The following UNC80 variants were observed in gnomAD, a reference collection of about 807,000 sequenced individuals.
UNC80 encodes the protein protein unc-80 homolog.
A neutral mutation model predicts 384.6 loss-of-function variants in UNC80; 164 were observed. That is an observed-to-expected ratio of 0.43 (90% confidence interval 0.38 to 0.49). The LOEUF (loss-of-function observed/expected upper bound fraction) is 0.49. Among genes scored for constraint, UNC80 ranks in the 20% least tolerant of loss-of-function variants. The pLI is 0.00. For synonymous variants in UNC80, 1,486 were observed against 1,527.8 expected (o/e 0.97, Z 0.64); for missense variants, 3,330 against 4,143.0 (o/e 0.80, Z 5.39).
At chr2:209,956,940 G>A (rs563554360) in intron 48 of UNC80, among the ~76,000 whole-genome samples, 2 of 152,280 alleles carry the variant, frequency 1.3e-5, no homozygotes, top group African/African-American at 4.8e-5. Flanking sequence ...CAGAAAGTGA[G>A]CAACAAAGAA....
At position 209,922,286 on chromosome 2, in the gene UNC80, G is replaced by C. The variant is rs1453730728; in HGVS notation, c.5565G>C (p.Leu1855=). The change falls in exon 35 of 65, where the codon CTG becomes CTC. Residue 1855 remains leucine, a synonymous_variant. Transcript: ENST00000673920. ...EEVTNLASRR[L]SVSPSCTSST... ...TCACCAATCTGGCATCCCGTCGACT[G>C]TCTGTGAGTCCATCCTGCACCTCCA... 3 of 1,552,104 alleles carry C rather than the reference G, an allele frequency of 1.9e-6. No individual in the cohort carries two copies. Among genetic ancestry groups the C allele is most frequent in the East Asian group, 2.4e-5 (1 of 40,928 alleles).
chr2:209,984,360 T>C (rs546171276), intron 60 of UNC80, among the ~76,000 whole-genome samples: 2 of 152,334 alleles, frequency 1.3e-5, no homozygotes, highest in South Asian at 4.1e-4. Flanking sequence ...CTTTTCTTAA[T>C]GGCATCAGTT....
chr2:209,835,084 C>A, intron 18 of UNC80, 74 bp downstream of exon 18: 1 of 1,215,776 alleles, frequency 8.2e-7, no homozygotes, highest in Non-Finnish European at 1.2e-6. Flanking sequence ...ATTTTCCAAA[C>A]TGCTATTTGT....
chr2:209,869,536 TA>T (rs1042455495), intron 22 of UNC80, among the ~76,000 whole-genome samples: 5 of 152,232 alleles, frequency 3.3e-5, no homozygotes, highest in African/African-American at 1.2e-4. Context: ...ATATATATAC[TA>T]AAATACCCCA....
rs1285166805 is a variant in UNC80 at position 209,894,159 on chromosome 2, A to G, written c.4277-4A>G. ...AAAAGCCCTATTTTATTCTTTTAATACAGTTCCCAGCAGGAAGATCAGGAT... is the reference window on the plus strand; with the variant it reads ...AAAAGCCCTATTTTATTCTTTTAATGCAGTTCCCAGCAGGAAGATCAGGAT... On this transcript the variant is annotated splice_polypyrimidine_tract_variant and splice_region_variant and intron_variant, in intron 26 of 64. Transcript: ENST00000673920. 1.0e-6 allele frequency: 1 copy of G among 985,382 alleles called. No homozygotes were observed. Among genetic ancestry groups the G allele is most frequent in the Non-Finnish European group, 1.2e-6 (1 of 829,906 alleles). The allele number at this position is 985,382 out of a possible 1,614,324, so 61.0% of individuals were successfully genotyped here. A position where few individuals can be genotyped will look rare whatever the true frequency, so the allele number is the denominator to read the frequency against.
intron 9 of UNC80, 150 bp from the exon 10 acceptor site, chr2:209,816,759 C>G (rs934450492): frequency 2.9e-6 from 2 of 687,962 alleles, no homozygotes; most frequent in Non-Finnish European, 4.8e-6. Flanking sequence ...AAATTTCTCC[C>G]ATTTTTATTG....
chr2:209,941,582 A>G, intron 44 of UNC80, 93 bp downstream of exon 44: 1 of 1,299,728 alleles, frequency 7.7e-7, no homozygotes, highest in Non-Finnish European at 1.0e-6. Flanking sequence ...CTTTTTAATG[A>G]TGGTGTTATC....
chr2:209,808,720 A>G, intron 7 of UNC80: 2 of 83,820 alleles, frequency 2.4e-5, no homozygotes, highest in South Asian at 6.2e-4. Context: ...GAGCGGCTGC[A>G]CTCATTGCTC....
At chr2:209,817,488 A>AT (rs1553526908) in intron 10 of UNC80, among the ~76,000 whole-genome samples, 2 of 151,504 alleles carry the variant, frequency 1.3e-5, no homozygotes, top group Non-Finnish European at 2.9e-5. Flanking sequence ...AAGGAAAAAA[A>AT]ATATATATAT....
At chr2:209,958,948 A>C (rs1408465722) in intron 49 of UNC80, among the ~76,000 whole-genome samples, 171 bp from the exon 50 acceptor site, 2 of 152,362 alleles carry the variant, frequency 1.3e-5, no homozygotes, top group East Asian at 3.9e-4. Flanking sequence ...TATATGTGTT[A>C]GCCAAATGAA....
chr2:209,994,279 GAAAC>G lies in UNC80; in HGVS notation c.9708+17_9708+20del. The G allele has an allele frequency of 6.5e-7, 1 of 1,542,198 alleles. No individual in the cohort carries two copies. The highest frequency in any genetic ancestry group is 8.8e-7 in the Non-Finnish European group (1 of 1,142,292). ...CTCCCAAGCAGGTGAGGGCACTAGA[GAAAC>G]AGGCAAGGCTTGCTCCCTGTGTACT... On this transcript the variant is annotated intron_variant, in intron 64 of 64. Coordinates refer to ENST00000673920, the MANE Select transcript of UNC80 (RefSeq NM_001371986.1).
intron 22 of UNC80, among the ~76,000 whole-genome samples, chr2:209,863,559 G>A (rs1360540313): frequency 6.6e-6 from 1 of 151,392 alleles, no homozygotes; most frequent in Non-Finnish European, 1.5e-5. Context: ...CTGTAGTCTT[G>A]TCTGCATTCC....
intron 61 of UNC80, among the ~76,000 whole-genome samples, chr2:209,989,645 C>G (rs2093355835): frequency 6.6e-6 from 1 of 152,118 alleles, no homozygotes. Flanking sequence ...CTGGACATAA[C>G]ATAGAGAGGT....
chr2:209,971,814 G>T (rs1230119048), intron 54 of UNC80, among the ~76,000 whole-genome samples: 3 of 152,232 alleles, frequency 2.0e-5, no homozygotes, highest in African/African-American at 7.2e-5. Context: ...TTCATGGCAG[G>T]GGCCAGAGGA....
At chr2:209,826,649 C>A (rs150227928) in intron 14 of UNC80, among the ~76,000 whole-genome samples, 1 of 152,150 alleles carries the variant, frequency 6.6e-6, no homozygotes, top group East Asian at 1.9e-4. Flanking sequence ...GCTTGCCAAA[C>A]GTAATTCTGT....
intron 38 of UNC80, among the ~76,000 whole-genome samples, chr2:209,933,306 T>C (rs1288026821): frequency 1.3e-5 from 2 of 152,050 alleles, no homozygotes; most frequent in Admixed American, 6.6e-5. Flanking sequence ...GATAAAATAA[T>C]GTAAGGTTTG....
intron 23 of UNC80, among the ~76,000 whole-genome samples, chr2:209,877,628 A>G (rs1462813376): frequency 1.3e-5 from 2 of 152,174 alleles, no homozygotes; most frequent in Non-Finnish European, 2.9e-5. Context: ...ATTAAAAGCA[A>G]TTGTGTACTC....
In UNC80 at chr2:209,945,128, G is replaced by A. The variant is rs1443764116; in HGVS notation, c.7128G>A (p.Glu2376=). 3.9e-6 allele frequency: 6 copies of A among 1,551,552 alleles called. No homozygotes were observed. The highest frequency in any genetic ancestry group is 2.6e-6 in the Non-Finnish European group (3 of 1,146,896). Residue 2376 remains glutamate, a synonymous_variant, in exon 46 of 65, where the codon GAG becomes GAA. Transcript: ENST00000673920. ...LFDLLQSLEG[E]TTDILDILEL... Reference sequence around the variant, plus strand: ...ACTTGCTGCAGTCCCTAGAGGGAGAGACCACCGACATATTAGACATCTTAG... The same window carrying A: ...ACTTGCTGCAGTCCCTAGAGGGAGAAACCACCGACATATTAGACATCTTAG...
chr2:209,921,350 A>G (rs1216489556), intron 33 of UNC80, 150 bp from the exon 34 acceptor site: 17 of 759,372 alleles, frequency 2.2e-5, no homozygotes, highest in Non-Finnish European at 3.1e-5. Flanking sequence ...ATTTGGTAAA[A>G]GGACAAATAT....
Sources: gnomAD v4.1 joint callset for allele counts (sites outside exome capture counted in the v4.1 genomes callset) on GRCh38, gnomAD v4.1.1 for gene constraint, MANE v1.5 for transcripts, NCBI Gene and HGNC (gene_info 2026-07-23, HGNC 2026-07-21) for gene names.